The following RHBDD1 variants were observed in gnomAD, a reference collection of about 807,000 sequenced individuals.
The protein encoded by RHBDD1 is rhomboid-related protein 4.
A neutral mutation model predicts 36.3 loss-of-function variants in RHBDD1; 38 were observed. That is an observed-to-expected ratio of 1.05 (90% CI 0.81 to 1.37). The LOEUF (loss-of-function observed/expected upper bound fraction) is 1.37. Ranked by LOEUF, RHBDD1 falls within the 40% of genes most tolerant of loss-of-function variation. The pLI, the probability that RHBDD1 is intolerant of heterozygous loss-of-function variation, is 0.00. For missense variants in RHBDD1, 393 were observed against 377.6 expected (o/e 1.04, Z -0.34); for synonymous variants, 151 against 136.5 (o/e 1.11, Z -0.74).
Position 226,936,044 on chromosome 2 carries a change from T to A in RHBDD1, c.856+21693T>A, listed in dbSNP as rs532578628. 2.2e-4 allele frequency among the ~76,000 whole-genome samples: 33 copies of A among 152,218 alleles called. 1 individual carries two copies. Among genetic ancestry groups the A allele is most frequent in the East Asian group, 1.5e-3 (8 of 5,186 alleles). On this transcript the variant is annotated intron_variant, in intron 8 of 8. Coordinates refer to ENST00000392062, the MANE Select transcript of RHBDD1 (RefSeq NM_001167608.3). Reference sequence around the variant, plus strand: ...GTGTGACCACTTAACTTCTTTTTTTTAAAAAGTAATTTGGTATGTTCTCCC... The same window carrying A: ...GTGTGACCACTTAACTTCTTTTTTTAAAAAAGTAATTTGGTATGTTCTCCC...
At chr2:226,924,040 C>A (rs1949508690) in intron 8 of RHBDD1, among the ~76,000 whole-genome samples, 1 of 152,018 alleles carries the variant, frequency 6.6e-6, no homozygotes. Flanking sequence ...GACAAAGTTC[C>A]CTTTACTTTC....
chr2:226,857,439 A>G (rs1424636972), intron 3 of RHBDD1, among the ~76,000 whole-genome samples: 1 of 152,186 alleles, frequency 6.6e-6, no homozygotes, highest in African/African-American at 2.4e-5. Context: ...TCTTATGTAT[A>G]TACCCCAGAG....
the RHBDD1 span, among the ~76,000 whole-genome samples, chr2:226,827,417 G>T: frequency 6.6e-6 from 1 of 152,026 alleles, no homozygotes; most frequent in Non-Finnish European, 1.5e-5. Flanking sequence ...TGCACATGAT[G>T]GCATACTTAT....
chr2:226,883,917 A>AT (rs576436769), intron 5 of RHBDD1, among the ~76,000 whole-genome samples: 2 of 152,046 alleles, frequency 1.3e-5, no homozygotes, highest in Non-Finnish European at 2.9e-5. Context: ...TTTTGACTCG[A>AT]TTTTTTTTCT....
chr2:226,890,465 T>C (rs1946591791), intron 5 of RHBDD1, among the ~76,000 whole-genome samples: 1 of 152,234 alleles, frequency 6.6e-6, no homozygotes, highest in South Asian at 2.1e-4. Flanking sequence ...AGTAACATTC[T>C]TCTTGACTCT....
chr2:226,956,855 G>T lies in RHBDD1; in HGVS notation c.857-38576G>T, dbSNP rs553191606. Among the ~76,000 whole-genome samples the T allele has an allele frequency of 3.9e-5, 6 of 152,312 alleles. No homozygotes were observed. The South Asian group carries it at 1.2e-3, about 32-fold the overall frequency. On this transcript the variant is annotated intron_variant, in intron 8 of 8. Transcript: ENST00000392062. ...TGCATGGCTTCTGGCAGTTAGACCAGCTCTTTGGCAATGTGATGTTTCAAG... is the reference window on the plus strand; with the variant it reads ...TGCATGGCTTCTGGCAGTTAGACCATCTCTTTGGCAATGTGATGTTTCAAG...
the RHBDD1 span, among the ~76,000 whole-genome samples, chr2:226,820,249 A>T: frequency 6.6e-6 from 1 of 152,158 alleles, no homozygotes; most frequent in Admixed American, 6.5e-5. Flanking sequence ...AGTGACAGTG[A>T]ATTTCTTTCT....
At chr2:226,903,056 A>T (rs1423788848) in intron 5 of RHBDD1, among the ~76,000 whole-genome samples, 3 of 152,168 alleles carry the variant, frequency 2.0e-5, no homozygotes, top group African/African-American at 7.2e-5. Context: ...TATTCTTTTC[A>T]TCTAAATTGA....
chr2:226,908,435 G>C, intron 6 of RHBDD1: 1 of 185,290 alleles, frequency 5.4e-6, no homozygotes, highest in Admixed American at 5.5e-5. Context: ...TAGGGAGGAT[G>C]GCTCTCCTAA....
At chr2:226,931,288 A>G (rs1481921499) in intron 8 of RHBDD1, among the ~76,000 whole-genome samples, 1 of 152,104 alleles carries the variant, frequency 6.6e-6, no homozygotes, top group Admixed American at 6.6e-5. Flanking sequence ...TATATACACC[A>G]TGGAATGCTA....
chr2:226,835,232 C>G (rs529962774), upstream of RHBDD1, among the ~76,000 whole-genome samples: 4 of 152,176 alleles, frequency 2.6e-5, no homozygotes, highest in Non-Finnish European at 5.9e-5. Context: ...TTTTCATATC[C>G]TATTAAATAT....
chr2:226,913,432 A>G (rs1559264359), intron 7 of RHBDD1, among the ~76,000 whole-genome samples: 5 of 152,204 alleles, frequency 3.3e-5, no homozygotes, highest in African/African-American at 9.7e-5. Flanking sequence ...TTCCAAACAA[A>G]TTCTCTAACT....
At chr2:226,971,390 T>C (rs1953467378) in intron 8 of RHBDD1, among the ~76,000 whole-genome samples, 1 of 152,228 alleles carries the variant, frequency 6.6e-6, no homozygotes, top group Non-Finnish European at 1.5e-5. Flanking sequence ...CTTTGCACTG[T>C]CATCACAGTG....
chr2:226,860,418 A>G (rs1312826386), intron 3 of RHBDD1, among the ~76,000 whole-genome samples: 1 of 152,214 alleles, frequency 6.6e-6, no homozygotes, highest in South Asian at 2.1e-4. Flanking sequence ...GGTCTTTCAG[A>G]TAGCACAGCA....
chr2:226,988,545 CCT>C (rs780745963), intron 8 of RHBDD1: 7 of 1,440,626 alleles, frequency 4.9e-6, no homozygotes, highest in Non-Finnish European at 5.5e-6. Context: ...CCAGGCTGGC[CCT>C]CTCTGCGGAC....
chr2:226,865,311 T>G (rs1055149738), intron 4 of RHBDD1, among the ~76,000 whole-genome samples, 185 bp downstream of exon 4: 5 of 152,210 alleles, frequency 3.3e-5, no homozygotes, highest in African/African-American at 1.2e-4. Context: ...TTATGCTGCA[T>G]TATTCACTCT....
intron 8 of RHBDD1, among the ~76,000 whole-genome samples, chr2:226,986,946 G>T (rs112588077): frequency 1.7e-3 from 254 of 152,292 alleles, no homozygotes; most frequent in African/African-American, 6.0e-3. Context: ...ATCAGTGATC[G>T]ACTGGATAAA....
intron 3 of RHBDD1, among the ~76,000 whole-genome samples, chr2:226,847,987 G>C (rs1260521717): frequency 1.3e-5 from 2 of 152,122 alleles, no homozygotes; most frequent in African/African-American, 4.8e-5. Context: ...GCCTGGCCCT[G>C]GTAGGAGAAA....
intron 8 of RHBDD1, among the ~76,000 whole-genome samples, chr2:226,969,324 T>G (rs2149318777): frequency 6.6e-6 from 1 of 151,782 alleles, no homozygotes; most frequent in East Asian, 1.9e-4. Context: ...AAAACATCCC[T>G]GTATATAAGT....
Sources: allele counts gnomAD v4.1 joint callset (sites outside exome capture counted in the v4.1 genomes callset), GRCh38; gene constraint gnomAD v4.1.1; transcripts MANE v1.5; gene names NCBI Gene and HGNC (gene_info 2026-07-23, HGNC 2026-07-21).